Variants in RNLS observed in about 807,000 individuals in gnomAD.
The protein encoded by RNLS is renalase, FAD dependent amine oxidase.
A neutral mutation model predicts 39.8 loss-of-function variants in RNLS; 39 were observed. That is an observed-to-expected ratio of 0.98 (90% CI 0.76 to 1.28). RNLS has a LOEUF of 1.28. Ranked by LOEUF, RNLS falls within the 50% of genes most tolerant of loss-of-function variation. The pLI is 0.00. For synonymous variants in RNLS, 147 were observed against 150.7 expected (o/e 0.98, Z 0.18); for missense variants, 410 against 413.3 (o/e 0.99, Z 0.07).
In RNLS at chr10:88,421,034, G is replaced by A. The variant is rs182740193; in HGVS notation, c.527-58309C>T. Among the ~76,000 whole-genome samples the A allele has an allele frequency of 6.6e-5, 10 of 152,292 alleles. No individual in the cohort carries two copies. In the East Asian group the frequency reaches 1.4e-3, roughly 21 times the overall value. ...GCATATGCTGAGACCACTGAGGAAC[G>A]TCCCACCCCTGTTTCATGGGATAAG... On this transcript the variant is annotated intron_variant, in intron 4 of 6. Coordinates refer to ENST00000331772, the MANE Select transcript of RNLS (RefSeq NM_001031709.3).
intron 6 of RNLS, chr10:88,275,135 T>A: frequency 1.1e-6 from 1 of 894,882 alleles, no homozygotes; most frequent in Non-Finnish European, 1.8e-6. Context: ...ACGGAACATA[T>A]ATAGACCTGG....
At position 88,436,338 on chromosome 10, in the gene RNLS, AT is replaced by A. The variant is rs1468201595; in HGVS notation, c.527-73614del. ...CAAGAGACTCATCCGGCAGCCTCTT[AT>A]TCCCTATCCTACAAAGATCCATATT... is the stretch of plus-strand genomic sequence containing the variant. On this transcript the variant is annotated intron_variant, in intron 4 of 6. Coordinates refer to ENST00000331772, the MANE Select transcript of RNLS (RefSeq NM_001031709.3). 2.0e-5 allele frequency among the ~76,000 whole-genome samples: 3 copies of A among 152,228 alleles called. No individual in the cohort carries two copies. The East Asian group carries it at 5.8e-4, about 29-fold the overall frequency.
chr10:88,180,144 T>C, the RNLS span, among the ~76,000 whole-genome samples: 1 of 152,240 alleles, frequency 6.6e-6, no homozygotes, highest in Non-Finnish European at 1.5e-5. Context: ...GCAAATTGTT[T>C]CGTTTATAAG....
At chr10:88,185,738 GA>G in the RNLS span, among the ~76,000 whole-genome samples, 7,073 of 149,494 alleles carry the variant, frequency 0.047, 242 homozygotes, top group Non-Finnish European at 0.072. Context: ...AGGAGTCAGA[GA>G]AAAAAAAATG....
At chr10:88,191,410 T>C in the RNLS span, among the ~76,000 whole-genome samples, 1 of 152,168 alleles carries the variant, frequency 6.6e-6, no homozygotes, top group Non-Finnish European at 1.5e-5. Flanking sequence ...ATTTTTTTCA[T>C]TGACAAATAA....
intron 6 of RNLS, among the ~76,000 whole-genome samples, chr10:88,290,525 A>G (rs1843597389): frequency 6.6e-6 from 1 of 152,210 alleles, no homozygotes; most frequent in African/African-American, 2.4e-5. Flanking sequence ...CATAAAACAC[A>G]ACAATATTTT....
At position 88,463,944 on chromosome 10, in the gene RNLS, T is replaced by A. The variant is rs190090167; in HGVS notation, c.527-101219A>T. Among the ~76,000 whole-genome samples the A allele has an allele frequency of 6.6e-4, 101 of 152,084 alleles. 1 individual carries two copies. The South Asian group carries it at 7.0e-3, about 11-fold the overall frequency. ...AAGAGAATTTCTCTTTAACTTTTCT[T>A]CCTAAGGTACAATATTGACCATCAT... On this transcript the variant is annotated intron_variant, in intron 4 of 6. Transcript: ENST00000331772.
chr10:88,209,370 G>A, the RNLS span, among the ~76,000 whole-genome samples: 5 of 152,078 alleles, frequency 3.3e-5, no homozygotes. Flanking sequence ...AAGAGAAGAC[G>A]CACAGAGACG....
intron 6 of RNLS, among the ~76,000 whole-genome samples, chr10:88,291,903 T>G (rs1843695989): frequency 6.6e-6 from 1 of 152,094 alleles, no homozygotes; most frequent in African/African-American, 2.4e-5. Flanking sequence ...GTCACACAGG[T>G]GCTTTGGCTG....
chr10:88,247,517 G>C, the RNLS span, among the ~76,000 whole-genome samples: 8,348 of 152,260 alleles, frequency 0.055, 284 homozygotes, highest in East Asian at 0.13. Context: ...TATTCTCTCT[G>C]AGTCTCAGTC....
the RNLS span, among the ~76,000 whole-genome samples, chr10:88,186,683 G>C: frequency 6.6e-6 from 1 of 152,006 alleles, no homozygotes. Flanking sequence ...TTCCCACTTA[G>C]GATATATTCT....
chr10:88,412,251 C>T (rs781037686), intron 4 of RNLS, among the ~76,000 whole-genome samples: 1 of 152,036 alleles, frequency 6.6e-6, no homozygotes, highest in Admixed American at 6.6e-5. Context: ...AAATGGAACT[C>T]TTACGTGGAT....
At chr10:88,184,167 G>A in the RNLS span, among the ~76,000 whole-genome samples, 1 of 152,016 alleles carries the variant, frequency 6.6e-6, no homozygotes, top group African/African-American at 2.4e-5. Flanking sequence ...CTTTCTGTGT[G>A]AGCCTATATT....
chr10:88,266,694 TACAC>T, the RNLS span, among the ~76,000 whole-genome samples: 9,489 of 134,078 alleles, frequency 0.071, 313 homozygotes, highest in Non-Finnish European at 0.078. Context: ...TTCTTTTAAA[TACAC>T]ACACACACAC....
At chr10:88,357,300 G>A (rs1376650301) in intron 5 of RNLS, among the ~76,000 whole-genome samples, 1 of 152,194 alleles carries the variant, frequency 6.6e-6, no homozygotes, top group African/African-American at 2.4e-5. Context: ...GAACTGAGTT[G>A]AGTCTGGACT....
At chr10:88,392,347 T>G (rs1298945995) in intron 4 of RNLS, among the ~76,000 whole-genome samples, 2 of 152,212 alleles carry the variant, frequency 1.3e-5, no homozygotes, top group Non-Finnish European at 2.9e-5. Context: ...GCTATCTGCA[T>G]GCTCAGCTAA....
At chr10:88,568,553 AG>A (rs1849649840) in intron 4 of RNLS, among the ~76,000 whole-genome samples, 1 of 151,864 alleles carries the variant, frequency 6.6e-6, no homozygotes, top group Admixed American at 6.6e-5. Context: ...GGTGTGTCTT[AG>A]GGGTTGAGGA....
At chr10:88,380,521 G>A (rs1459949927) in intron 4 of RNLS, among the ~76,000 whole-genome samples, 3 of 150,870 alleles carry the variant, frequency 2.0e-5, no homozygotes, top group East Asian at 1.9e-4. Context: ...GACCACAGGC[G>A]CCCGCCACCA....
intron 5 of RNLS, among the ~76,000 whole-genome samples, chr10:88,337,872 A>T (rs1313978283): frequency 6.6e-6 from 1 of 152,146 alleles, no homozygotes; most frequent in African/African-American, 2.4e-5. Flanking sequence ...TCGTTCTTAC[A>T]AATATCAGTT....
Sources: gnomAD v4.1 joint callset for allele counts (sites outside exome capture counted in the v4.1 genomes callset) on GRCh38, gnomAD v4.1.1 for gene constraint, MANE v1.5 for transcripts, NCBI Gene and HGNC (gene_info 2026-07-23, HGNC 2026-07-21) for gene names.